Variants in ASAP2 observed in about 807,000 individuals in gnomAD.
ASAP2 encodes arf-GAP with SH3 domain, ANK repeat and PH domain-containing protein 2.
A neutral mutation model predicts 131.4 loss-of-function variants in ASAP2; 45 were observed. The ratio of observed to expected loss-of-function variants is 0.34; its 90% CI spans 0.27 to 0.44. The LOEUF (loss-of-function observed/expected upper bound fraction) is 0.44. Ranked by LOEUF, ASAP2 falls within the 20% of genes least tolerant of loss-of-function variation. The pLI is 1.00. For missense variants in ASAP2, 1,011 were observed against 1,297.0 expected (o/e 0.78, Z 3.39); for synonymous variants, 510 against 503.0 (o/e 1.01, Z -0.19).
intron 2 of ASAP2, among the ~76,000 whole-genome samples, chr2:9,284,543 G>T (rs936337734): frequency 2.0e-5 from 3 of 152,286 alleles, no homozygotes; most frequent in Admixed American, 1.3e-4. Context: ...ACCTTTCTGA[G>T]CCTCAATTTC....
Position 9,374,779 on chromosome 2 carries a change from A to G in ASAP2, c.1581A>G (p.Thr527=). 1 of 1,608,630 alleles carries G rather than the reference A, an allele frequency of 6.2e-7. No homozygotes were observed. The highest frequency in any genetic ancestry group is 8.5e-7 in the Non-Finnish European group (1 of 1,178,090). The change falls in exon 17 of 28, where the codon ACA becomes ACG. Residue 527 remains threonine, a synonymous_variant. Coordinates refer to ENST00000281419, the MANE Select transcript of ASAP2 (RefSeq NM_003887.3). ...SDMNARKDYI[T]AKYIERRYAR... ...GGAATGCAAGAAAGGACTACATCAC[A>G]GCCAAGTACATCGAGAGGAGATACG...
At chr2:9,331,693 A>G (rs1394333115) in intron 7 of ASAP2, among the ~76,000 whole-genome samples, 1 of 152,076 alleles carries the variant, frequency 6.6e-6, no homozygotes, top group Non-Finnish European at 1.5e-5. Flanking sequence ...ACTTGAACCC[A>G]AGAGGCGGAG....
At chr2:9,393,705 C>T in intron 24 of ASAP2, 58 bp downstream of exon 24, 1 of 1,486,144 alleles carries the variant, frequency 6.7e-7, no homozygotes, top group Middle Eastern at 2.3e-4. Context: ...CCTCACCTGC[C>T]CAGGGCTCTG....
chr2:9,366,857 G>C (rs796676578), intron 15 of ASAP2, among the ~76,000 whole-genome samples: 1 of 152,112 alleles, frequency 6.6e-6, no homozygotes, highest in African/African-American at 2.4e-5. Flanking sequence ...TCCTCCACTA[G>C]CCCACTAGCC....
chr2:9,330,710 A>G (rs1670776163), intron 7 of ASAP2, among the ~76,000 whole-genome samples: 1 of 152,176 alleles, frequency 6.6e-6, no homozygotes, highest in Admixed American at 6.5e-5. Flanking sequence ...CAATTTAGGA[A>G]GTGGGTCGCT....
At chr2:9,402,045 A>G (rs1676740348) in intron 27 of ASAP2, among the ~76,000 whole-genome samples, 2 of 152,236 alleles carry the variant, frequency 1.3e-5, no homozygotes, top group African/African-American at 4.8e-5. Flanking sequence ...AGAAAGCCCC[A>G]GGCTGAGCCC....
At position 9,251,950 on chromosome 2, in the gene ASAP2, TA is replaced by T. The variant is rs201066855; in HGVS notation, c.127-27365del. 2.4e-3 allele frequency among the ~76,000 whole-genome samples: 368 copies of T among 151,946 alleles called. 4 individuals are homozygous for T. Among genetic ancestry groups the T allele is most frequent in the African/African-American group, 8.3e-3 (343 of 41,262 alleles). ...TTTTCTTTCCTTAATTTTTTTTTTT[TA>T]ATTATCATCTGTAGCTCATTGAATT... is the stretch of plus-strand genomic sequence containing the variant. On this transcript the variant is annotated intron_variant, in intron 1 of 27. Transcript: ENST00000281419.
At chr2:9,380,490 G>A (rs943876938) in intron 19 of ASAP2, among the ~76,000 whole-genome samples, 4 of 152,106 alleles carry the variant, frequency 2.6e-5, no homozygotes, top group Admixed American at 6.5e-5. Flanking sequence ...GAGCCACTGC[G>A]CCTGGCCAGT....
chr2:9,298,227 A>G (rs1047803396), intron 3 of ASAP2, among the ~76,000 whole-genome samples: 8 of 152,338 alleles, frequency 5.3e-5, no homozygotes, highest in Non-Finnish European at 1.5e-5. Context: ...TGTAGGCCAC[A>G]CACAACAGCA....
chr2:9,339,590 G>A (rs919554959), intron 9 of ASAP2, among the ~76,000 whole-genome samples: 13 of 152,054 alleles, frequency 8.5e-5, no homozygotes, highest in African/African-American at 1.9e-4. Context: ...TAAAGATACC[G>A]TAGTGACCAA....
At chr2:9,227,293 G>A (rs146855812) in intron 1 of ASAP2, among the ~76,000 whole-genome samples, 11 of 152,228 alleles carry the variant, frequency 7.2e-5, no homozygotes, top group African/African-American at 2.2e-4. Context: ...GGGGTTGTGC[G>A]CCCCTGTGCC....
At chr2:9,315,616 T>G (rs753116948) in intron 3 of ASAP2, among the ~76,000 whole-genome samples, 1 of 152,064 alleles carries the variant, frequency 6.6e-6, no homozygotes, top group Non-Finnish European at 1.5e-5. Context: ...AGGCGGGAAC[T>G]GTGACGGGAG....
Position 9,217,236 on chromosome 2 carries a change from G to A in ASAP2, c.126+10006G>A, listed in dbSNP as rs1312294421. Among the ~76,000 whole-genome samples, 2 of 152,164 alleles carry A rather than the reference G, an allele frequency of 1.3e-5. No individual in the cohort carries two copies. The highest frequency in any genetic ancestry group is 6.5e-5 in the Admixed American group (1 of 15,280). On this transcript the variant is annotated intron_variant, in intron 1 of 27. Coordinates refer to ENST00000281419, the MANE Select transcript of ASAP2 (RefSeq NM_003887.3). The surrounding 1 kb of genome is among the most constrained non-coding windows in gnomAD (Gnocchi z 4.0). ...GAAAGTTGCAGCTATTGCATTGCTC[G>A]AGTGGGTGCTTCTGGCAAATCCTTG... is the stretch of plus-strand genomic sequence containing the variant.
intron 1 of ASAP2, among the ~76,000 whole-genome samples, chr2:9,211,851 C>T (rs1453564939): frequency 6.6e-6 from 1 of 152,184 alleles, no homozygotes; most frequent in Non-Finnish European, 1.5e-5. Context: ...CTCCAAGTCC[C>T]CAGAACAGAT....
chr2:9,251,839 G>T (rs1193126082), intron 1 of ASAP2, among the ~76,000 whole-genome samples: 1 of 152,160 alleles, frequency 6.6e-6, no homozygotes, highest in Admixed American at 6.5e-5. Context: ...TGAGTTTTCT[G>T]GCAGTGATGG....
At chr2:9,347,129 C>T (rs1672020966) in intron 11 of ASAP2, among the ~76,000 whole-genome samples, 1 of 152,212 alleles carries the variant, frequency 6.6e-6, no homozygotes, top group Admixed American at 6.5e-5. Context: ...GTAGGTGGGG[C>T]TGTCTTGATT....
intron 22 of ASAP2, among the ~76,000 whole-genome samples, chr2:9,390,587 C>T (rs1675642639): frequency 6.6e-6 from 1 of 152,180 alleles, no homozygotes. Flanking sequence ...GAGAGCCCCT[C>T]CTCTAGTGTC....
chr2:9,323,294 G>A (rs372918640), intron 6 of ASAP2, 44 bp downstream of exon 6: 19 of 1,609,632 alleles, frequency 1.2e-5, no homozygotes, highest in East Asian at 2.2e-5. Flanking sequence ...AGGCTGTGCC[G>A]GCTCTGCCCT....
chr2:9,269,471 C>T (rs1008714940), intron 1 of ASAP2, among the ~76,000 whole-genome samples: 1 of 152,186 alleles, frequency 6.6e-6, no homozygotes, highest in Non-Finnish European at 1.5e-5. Context: ...TGTGGTGACA[C>T]AGGATGGAGG....
Sources: allele counts gnomAD v4.1 joint callset (sites outside exome capture counted in the v4.1 genomes callset), GRCh38; gene constraint gnomAD v4.1.1; non-coding constraint Gnocchi (gnomAD v3.1); transcripts MANE v1.5; gene names NCBI Gene and HGNC (gene_info 2026-07-23, HGNC 2026-07-21).